The following EYS variants were observed in gnomAD, a reference collection of about 807,000 sequenced individuals.
The protein encoded by EYS is EGF-like photoreceptor maintenance factor, also known as protein eyes shut homolog.
Under a neutral mutation model 282.1 loss-of-function variants are expected in EYS, and 250 were observed. The ratio of observed to expected loss-of-function variants is 0.89; its 90% CI spans 0.80 to 0.98. The LOEUF is 0.98. EYS is among the 50% of genes least tolerant of loss of function. EYS has a pLI of 0.00. For missense variants in EYS, 4,016 were observed against 3,709.0 expected (o/e 1.08, Z -2.15); for synonymous variants, 1,355 against 1,282.9 (o/e 1.06, Z -1.20).
At chr6:65,251,039 G>GAA (rs61504367) in intron 12 of EYS, among the ~76,000 whole-genome samples, 31 of 88,804 alleles carry the variant, frequency 3.5e-4, no homozygotes, top group Non-Finnish European at 5.3e-4. Flanking sequence ...AATAACAACA[G>GAA]AAAAAAAAAA....
intron 5 of EYS, among the ~76,000 whole-genome samples, chr6:65,461,515 C>T (rs911919585): frequency 1.3e-5 from 2 of 152,122 alleles, no homozygotes; most frequent in African/African-American, 2.4e-5. Flanking sequence ...GCCCTCTCTG[C>T]GATTTGGGTT....
intron 35 of EYS, among the ~76,000 whole-genome samples, chr6:63,890,411 G>C (rs935229564): frequency 6.6e-6 from 1 of 152,188 alleles, no homozygotes; most frequent in Non-Finnish European, 1.5e-5. Context: ...TCAGACCACA[G>C]TGCAATCAAA....
chr6:64,555,744 A>G (rs1175048690), intron 26 of EYS, among the ~76,000 whole-genome samples: 10 of 151,976 alleles, frequency 6.6e-5, no homozygotes. Context: ...GGGATATGCT[A>G]GGAACATTTA....
chr6:65,200,130 C>T (rs1179306417), intron 12 of EYS, among the ~76,000 whole-genome samples: 3 of 152,118 alleles, frequency 2.0e-5, no homozygotes, highest in Non-Finnish European at 2.9e-5. Context: ...GTTATTACAA[C>T]TTCCTAAGTG....
chr6:64,627,232 G>A (rs984025266), intron 22 of EYS, among the ~76,000 whole-genome samples: 2 of 152,140 alleles, frequency 1.3e-5, no homozygotes, highest in Non-Finnish European at 2.9e-5. Flanking sequence ...GCCCAGTTGG[G>A]AAAATAGACA....
intron 22 of EYS, among the ~76,000 whole-genome samples, chr6:64,768,026 G>C (rs1186014126): frequency 6.6e-6 from 1 of 151,888 alleles, no homozygotes; most frequent in Non-Finnish European, 1.5e-5. Context: ...GGCATTTCTT[G>C]TATGATAAAT....
chr6:64,039,648 A>T (rs1770290385), intron 33 of EYS, among the ~76,000 whole-genome samples: 1 of 152,152 alleles, frequency 6.6e-6, no homozygotes, highest in South Asian at 2.1e-4. Context: ...TGGGAATATA[A>T]GGTTGCCATT....
intron 31 of EYS, among the ~76,000 whole-genome samples, chr6:64,160,373 A>AT (rs1215453548): frequency 2.6e-5 from 4 of 152,124 alleles, no homozygotes; most frequent in Admixed American, 6.5e-5. Context: ...TGAGTGTATC[A>AT]TTTTTTTCTT....
Position 64,865,394 on chromosome 6 carries a change from A to G in EYS, c.2992+21303T>C, listed in dbSNP as rs1341236229. Among the ~76,000 whole-genome samples the G allele has an allele frequency of 3.3e-5, 5 of 152,160 alleles. No homozygotes were observed. In the East Asian group the frequency reaches 7.7e-4, roughly 23 times the overall value. ...GAAGGCAATATATGAGCTGATGTCT[A>G]AAGAAGCCAAGTATGTGAACGCCAT... On this transcript the variant is annotated intron_variant, in intron 19 of 42. Coordinates refer to ENST00000503581, the MANE Select transcript of EYS (RefSeq NM_001142800.2).
chr6:64,505,853 A>G (rs948234279), intron 26 of EYS, among the ~76,000 whole-genome samples: 7 of 152,232 alleles, frequency 4.6e-5, no homozygotes, highest in African/African-American at 1.7e-4. Flanking sequence ...GCTTTTTGGT[A>G]CAATAGAAAT....
intron 12 of EYS, among the ~76,000 whole-genome samples, chr6:65,172,958 T>C (rs1765139737): frequency 6.8e-6 from 1 of 147,600 alleles, no homozygotes; most frequent in Non-Finnish European, 1.5e-5. Flanking sequence ...TGGAAAGCAA[T>C]ATGAGCCCTA....
chr6:64,449,172 G>T (rs1285743680), intron 26 of EYS, among the ~76,000 whole-genome samples: 1 of 152,160 alleles, frequency 6.6e-6, no homozygotes, highest in Non-Finnish European at 1.5e-5. Flanking sequence ...GGACTTCATG[G>T]AGCTGAAAAC....
rs528801419 is a variant in EYS at position 64,394,277 on chromosome 6, A to G, written c.5928-5437T>C. 1.9e-3 allele frequency among the ~76,000 whole-genome samples: 296 copies of G among 152,284 alleles called. 1 individual carries two copies. Among genetic ancestry groups the G allele is most frequent in the African/African-American group, 6.5e-3 (272 of 41,570 alleles). On this transcript the variant is annotated intron_variant, in intron 28 of 42. Coordinates refer to ENST00000503581, the MANE Select transcript of EYS (RefSeq NM_001142800.2). ...GCCTTTCTTCACAGAATTGGAAAAA[A>G]CTACTTTAAAATTCATATGGAACCA...
chr6:64,562,126 C>A (rs532430283), intron 26 of EYS, among the ~76,000 whole-genome samples: 2 of 151,646 alleles, frequency 1.3e-5, no homozygotes, highest in South Asian at 4.2e-4. Context: ...AAGTATCAGG[C>A]CTTCTTAGAG....
chr6:64,112,601 A>G (rs1223011203), intron 31 of EYS, among the ~76,000 whole-genome samples: 2 of 151,702 alleles, frequency 1.3e-5, no homozygotes, highest in African/African-American at 4.8e-5. Flanking sequence ...CCAGTTCTGG[A>G]ATTGGTGGCT....
intron 12 of EYS, among the ~76,000 whole-genome samples, chr6:65,171,287 G>A (rs1765099937): frequency 6.6e-6 from 1 of 151,396 alleles, no homozygotes; most frequent in African/African-American, 2.4e-5. Context: ...CTTTTTCCAT[G>A]AAAATACATA....
chr6:64,340,428 C>A (rs1423525366), intron 29 of EYS, among the ~76,000 whole-genome samples: 1 of 151,766 alleles, frequency 6.6e-6, no homozygotes, highest in Non-Finnish European at 1.5e-5. Flanking sequence ...ACACCTACAA[C>A]CAACTGATTT....
intron 33 of EYS, among the ~76,000 whole-genome samples, chr6:64,048,136 C>T (rs955196159): frequency 3.9e-5 from 6 of 152,096 alleles, no homozygotes; most frequent in African/African-American, 1.4e-4. Flanking sequence ...AAACTCCTGA[C>T]CTCAGGTGAT....
intron 21 of EYS, among the ~76,000 whole-genome samples, 166 bp downstream of exon 21, chr6:64,821,479 T>C (rs913547882): frequency 1.3e-5 from 2 of 151,974 alleles, no homozygotes; most frequent in Non-Finnish European, 2.9e-5. Context: ...CCATGATTTG[T>C]AGTTTTGTTT....
Sources: allele counts gnomAD v4.1 joint callset (sites outside exome capture counted in the v4.1 genomes callset), GRCh38; gene constraint gnomAD v4.1.1; transcripts MANE v1.5; gene names NCBI Gene and HGNC (gene_info 2026-07-23, HGNC 2026-07-21).